The following ATP8B1 variants were observed in gnomAD, a reference collection of about 807,000 sequenced individuals.
ATP8B1 encodes phospholipid-transporting ATPase IC.
In ATP8B1, 80 loss-of-function variants were observed where a neutral mutation model predicts 149.9. The observed-to-expected ratio is 0.53, with a 90% confidence interval of 0.45 to 0.64. The LOEUF (loss-of-function observed/expected upper bound fraction) is 0.64. Ranked by LOEUF, ATP8B1 falls within the 30% of genes least tolerant of loss-of-function variation. The pLI is 0.00. For missense variants in ATP8B1, 1,247 were observed against 1,552.6 expected (o/e 0.80, Z 3.31); for synonymous variants, 536 against 562.8 (o/e 0.95, Z 0.67).
chr18:57,752,408 G>A (rs1043174688), intron 1 of ATP8B1, among the ~76,000 whole-genome samples: 4 of 151,974 alleles, frequency 2.6e-5, no homozygotes, highest in Non-Finnish European at 5.9e-5. Flanking sequence ...AATATTCTTA[G>A]TAAGCTCCTA....
chr18:57,798,953 C>G (rs1469750910), intron 1 of ATP8B1, among the ~76,000 whole-genome samples: 1 of 152,146 alleles, frequency 6.6e-6, no homozygotes, highest in Non-Finnish European at 1.5e-5. Context: ...TTCCTGTTTC[C>G]TACATAGCCC....
chr18:57,695,116 C>G (rs997982505), intron 10 of ATP8B1, 55 bp downstream of exon 10: 25 of 1,596,742 alleles, frequency 1.6e-5, no homozygotes, highest in Non-Finnish European at 2.1e-5. Context: ...AAGCAATCCC[C>G]TCTAAGTCTT....
At chr18:57,718,221 T>C (rs1054846214) in intron 2 of ATP8B1, among the ~76,000 whole-genome samples, 1 of 150,306 alleles carries the variant, frequency 6.7e-6, no homozygotes, top group Non-Finnish European at 1.5e-5. Flanking sequence ...TAGTGGCTAC[T>C]ATGAGCAACT....
At chr18:57,712,863 C>T (rs1258537574) in intron 2 of ATP8B1, among the ~76,000 whole-genome samples, 1 of 152,074 alleles carries the variant, frequency 6.6e-6, no homozygotes, top group African/African-American at 2.4e-5. Flanking sequence ...CCCTAGTTCC[C>T]AGACAACATT....
chr18:57,749,604 A>C (rs1317252078), intron 1 of ATP8B1, among the ~76,000 whole-genome samples: 1 of 152,228 alleles, frequency 6.6e-6, no homozygotes, highest in African/African-American at 2.4e-5. Context: ...CACCCTATAG[A>C]ACTCTGAGTT....
intron 17 of ATP8B1, 67 bp downstream of exon 17, chr18:57,671,401 A>G (rs1911210368): frequency 3.7e-6 from 5 of 1,347,520 alleles, no homozygotes; most frequent in South Asian, 2.3e-5. Context: ...CTTTCATGCA[A>G]ACTTAACAGA....
At chr18:57,683,892 G>C (rs1014932640) in intron 15 of ATP8B1, 144 bp downstream of exon 15, 1 of 1,083,192 alleles carries the variant, frequency 9.2e-7, no homozygotes, top group Non-Finnish European at 1.4e-6. Flanking sequence ...AAACCATCTA[G>C]TGGTAAGTGC....
At chr18:57,742,500 T>C (rs1157778973) in intron 1 of ATP8B1, among the ~76,000 whole-genome samples, 4 of 152,074 alleles carry the variant, frequency 2.6e-5, no homozygotes, top group Non-Finnish European at 4.4e-5. Context: ...TCACCCCCTA[T>C]TCCTCAGAAA....
intron 1 of ATP8B1, among the ~76,000 whole-genome samples, chr18:57,788,000 C>T (rs1218103228): frequency 6.6e-6 from 1 of 151,254 alleles, no homozygotes; most frequent in Non-Finnish European, 1.5e-5. Context: ...ACACTGCACT[C>T]CAGCCTGGGC....
At chr18:57,651,854 GA>G (rs1290941743) in intron 26 of ATP8B1, among the ~76,000 whole-genome samples, 179 bp downstream of exon 26, 1 of 151,894 alleles carries the variant, frequency 6.6e-6, no homozygotes, top group Admixed American at 6.6e-5. Context: ...GGCTGGTCTT[GA>G]ACTGCTGGGC....
At chr18:57,763,708 G>T (rs1428721126) in intron 1 of ATP8B1, among the ~76,000 whole-genome samples, 4 of 150,488 alleles carry the variant, frequency 2.7e-5, no homozygotes, top group Non-Finnish European at 5.9e-5. Flanking sequence ...TCTTTTTTTT[G>T]GGGGGCGGGG....
At chr18:57,650,234 A>C (rs541859825) in intron 27 of ATP8B1, 133 bp downstream of exon 27, 2 of 1,180,286 alleles carry the variant, frequency 1.7e-6, no homozygotes, top group Non-Finnish European at 2.5e-6. Flanking sequence ...AGATAGAGTT[A>C]AAGAGAAGCA....
intron 23 of ATP8B1, among the ~76,000 whole-genome samples, chr18:57,654,319 T>C (rs957654189): frequency 6.6e-6 from 1 of 151,464 alleles, no homozygotes; most frequent in African/African-American, 2.4e-5. Context: ...TTATCAATAT[T>C]CTTTTTTTTT....
chr18:57,746,814 A>G (rs2079968368), intron 1 of ATP8B1, among the ~76,000 whole-genome samples: 1 of 152,110 alleles, frequency 6.6e-6, no homozygotes, highest in African/African-American at 2.4e-5. Flanking sequence ...GTCTCTTTGC[A>G]AATGATTACA....
chr18:57,744,720 G>A (rs1408205359), intron 1 of ATP8B1, among the ~76,000 whole-genome samples: 1 of 152,216 alleles, frequency 6.6e-6, no homozygotes, highest in Non-Finnish European at 1.5e-5. Flanking sequence ...ACAGCTACCT[G>A]GAAGCAAACC....
At chr18:57,685,154 C>G in intron 13 of ATP8B1, 39 bp from the exon 14 acceptor site, 1 of 1,610,872 alleles carries the variant, frequency 6.2e-7, no homozygotes, top group Non-Finnish European at 8.5e-7. Flanking sequence ...GATTCTACAC[C>G]TATGTCCAGA....
intron 1 of ATP8B1, among the ~76,000 whole-genome samples, chr18:57,772,240 T>C (rs1390829158): frequency 6.6e-6 from 1 of 152,092 alleles, no homozygotes; most frequent in Non-Finnish European, 1.5e-5. Context: ...TCACTGTGAG[T>C]ATTGCTAGCG....
intron 1 of ATP8B1, among the ~76,000 whole-genome samples, chr18:57,774,653 C>T (rs2080291907): frequency 6.6e-6 from 1 of 152,082 alleles, no homozygotes; most frequent in African/African-American, 2.4e-5. Context: ...TGTACACTCC[C>T]AGAGCAAAGG....
chr18:57,656,942 G>A (rs531506424), intron 22 of ATP8B1, among the ~76,000 whole-genome samples: 1 of 151,906 alleles, frequency 6.6e-6, no homozygotes, highest in Non-Finnish European at 1.5e-5. Context: ...CCTGAGGCCT[G>A]GCTTCTTCTT....
Sources: gnomAD v4.1 joint callset for allele counts (sites outside exome capture counted in the v4.1 genomes callset) on GRCh38, gnomAD v4.1.1 for gene constraint, MANE v1.5 for transcripts, NCBI Gene and HGNC (gene_info 2026-07-23, HGNC 2026-07-21) for gene names.